The following NEK11 variants were observed in gnomAD, a reference collection of about 807,000 sequenced individuals.
The protein encoded by NEK11 is serine/threonine-protein kinase Nek11.
A neutral mutation model predicts 80.7 loss-of-function variants in NEK11; 72 were observed. The observed-to-expected ratio is 0.89, with a 90% CI of 0.74 to 1.08. NEK11 has a LOEUF of 1.08. Among genes scored for constraint, NEK11 ranks in the 50% least tolerant of loss-of-function variants. The probability of loss-of-function intolerance (pLI) is 0.00; values close to 1 mark genes in which losing one functional copy is unlikely to be tolerated. For missense variants in NEK11, 764 were observed against 763.6 expected, an observed-to-expected ratio of 1.00 and a Z score of -0.01; for synonymous variants, 251 against 260.7, an observed-to-expected ratio of 0.96 and a Z score of 0.36.
At chr3:131,325,412 A>G (rs926065708) in intron 17 of NEK11, 1 of 151,726 alleles carries the variant, frequency 6.6e-6, no homozygotes, top group African/African-American at 2.4e-5. Context: ...GTGGTGATAA[A>G]CACCAGGCTC....
chr3:131,261,781 T>A (rs2095926386), intron 16 of NEK11, among the ~76,000 whole-genome samples: 3 of 152,168 alleles, frequency 2.0e-5, no homozygotes. Context: ...CCTATCTTCT[T>A]AATTGACTGC....
chr3:131,123,813 G>A (rs916246715), intron 5 of NEK11, among the ~76,000 whole-genome samples: 2 of 151,930 alleles, frequency 1.3e-5, no homozygotes, highest in Non-Finnish European at 2.9e-5. Context: ...TGACTTCCTA[G>A]AATCAATAGC....
At chr3:131,178,056 GGTAA>G (rs1381875032) in intron 14 of NEK11, among the ~76,000 whole-genome samples, 10 of 152,244 alleles carry the variant, frequency 6.6e-5, no homozygotes, top group Middle Eastern at 6.8e-3. Context: ...GTAACACAGT[GGTAA>G]GTATTTGTAT....
chr3:131,304,163 A>G (rs1561460174), intron 17 of NEK11, among the ~76,000 whole-genome samples: 1 of 151,998 alleles, frequency 6.6e-6, no homozygotes, highest in Non-Finnish European at 1.5e-5. Context: ...CCAGCATTTG[A>G]GCTTTGAAAT....
intron 3 of NEK11, among the ~76,000 whole-genome samples, chr3:131,048,531 A>G (rs2067802832): frequency 6.6e-6 from 1 of 152,178 alleles, no homozygotes; most frequent in Admixed American, 6.5e-5. Flanking sequence ...AGCTCCAGGT[A>G]AGGTCAGATC....
intron 17 of NEK11, among the ~76,000 whole-genome samples, chr3:131,295,805 C>T (rs2096587159): frequency 6.6e-6 from 1 of 152,078 alleles, no homozygotes; most frequent in African/African-American, 2.4e-5. Context: ...TGGCTGTATA[C>T]ATTTACAACT....
At chr3:131,280,307 A>G (rs1033576502) in intron 17 of NEK11, among the ~76,000 whole-genome samples, 1 of 152,200 alleles carries the variant, frequency 6.6e-6, no homozygotes, top group Non-Finnish European at 1.5e-5. Flanking sequence ...CACTTTAGGA[A>G]CTGCAATTAC....
intron 17 of NEK11, among the ~76,000 whole-genome samples, chr3:131,274,834 T>C (rs1175692730): frequency 6.6e-6 from 1 of 151,406 alleles, no homozygotes; most frequent in Admixed American, 6.6e-5. Context: ...TTTGTATTTT[T>C]AGTAGAGACG....
intron 5 of NEK11, among the ~76,000 whole-genome samples, chr3:131,128,804 C>A (rs1469216173): frequency 2.0e-5 from 3 of 152,190 alleles, no homozygotes; most frequent in Non-Finnish European, 2.9e-5. Context: ...TACTCCACAT[C>A]CTTGTGAGCA....
At position 131,165,408 on chromosome 3, in the gene NEK11, T is replaced by C; in HGVS notation, c.1083-18T>C. The stretch of plus-strand genomic sequence containing the variant: ...AGCAATTCGCAGTTATTTTTCTACA[T>C]TCACTTTAAATTTACAGAAAGATTG... On this transcript the variant is annotated intron_variant, in intron 11 of 17. Coordinates refer to ENST00000383366, the MANE Select transcript of NEK11 (RefSeq NM_024800.5). The C allele has an allele frequency of 2.7e-6, 4 of 1,477,306 alleles. No homozygotes were observed. The highest frequency in any genetic ancestry group is 2.3e-5 in the South Asian group (2 of 88,140). The allele number at this position is 1,477,306 out of a possible 1,614,324, so 91.5% of individuals were successfully genotyped here.
chr3:131,028,718 T>C (rs2064304562), intron 2 of NEK11, among the ~76,000 whole-genome samples: 1 of 152,106 alleles, frequency 6.6e-6, no homozygotes, highest in South Asian at 2.1e-4. Flanking sequence ...CCCGCTACAA[T>C]GCCCGGCTAA....
Position 131,111,542 on chromosome 3 carries a change from C to T in NEK11, c.455+1621C>T, listed in dbSNP as rs1483769161. Among the ~76,000 whole-genome samples, 3 of 152,098 alleles carry T rather than the reference C, an allele frequency of 2.0e-5. No homozygotes were observed. In the East Asian group the frequency reaches 5.8e-4, roughly 29 times the overall value. On this transcript the variant is annotated intron_variant, in intron 5 of 17. Coordinates refer to ENST00000383366, the MANE Select transcript of NEK11 (RefSeq NM_024800.5). The stretch of plus-strand genomic sequence containing the variant: ...TAAGCTAGCCGACATAAAACATGTA[C>T]CCTTATAACTATAAGCCATGCACCA...
chr3:131,280,883 T>G (rs1581340227), intron 17 of NEK11, among the ~76,000 whole-genome samples: 2 of 152,360 alleles, frequency 1.3e-5, no homozygotes, highest in Middle Eastern at 3.4e-3. Context: ...TTCCCATTAC[T>G]GCAGCAAGAC....
rs543060137 is a variant in NEK11 at position 131,196,958 on chromosome 3, C to A, written c.1399+26071C>A. ...ATGGTAGCCATTGCTGGCTCCAATG[C>A]CTGGGTTTATAACCCAATCATTGTC... On this transcript the variant is annotated intron_variant, in intron 14 of 17. Coordinates refer to ENST00000383366, the MANE Select transcript of NEK11 (RefSeq NM_024800.5). Among the ~76,000 whole-genome samples, 4 of 151,942 alleles carry A rather than the reference C, an allele frequency of 2.6e-5. No individual in the cohort carries two copies. The East Asian group carries it at 7.8e-4, about 29-fold the overall frequency.
intron 14 of NEK11, among the ~76,000 whole-genome samples, chr3:131,218,866 G>A (rs566254266): frequency 6.6e-6 from 1 of 152,164 alleles, no homozygotes; most frequent in Non-Finnish European, 1.5e-5. Context: ...AGAAGAGTCT[G>A]TTCATATCCT....
intron 14 of NEK11, among the ~76,000 whole-genome samples, chr3:131,213,705 C>T (rs912321446): frequency 6.6e-6 from 1 of 152,094 alleles, no homozygotes. Context: ...TCCATCACCT[C>T]GAAGCATGTC....
At chr3:131,049,030 C>T (rs560146299) in intron 3 of NEK11, among the ~76,000 whole-genome samples, 33 of 152,284 alleles carry the variant, frequency 2.2e-4, no homozygotes, top group African/African-American at 7.5e-4. Flanking sequence ...ATTTTGACTT[C>T]GCGAACCTAA....
intron 15 of NEK11, among the ~76,000 whole-genome samples, chr3:131,235,235 T>C (rs184314232): frequency 6.6e-6 from 1 of 152,116 alleles, no homozygotes; most frequent in Non-Finnish European, 1.5e-5. Context: ...ACACAGCTGA[T>C]AAGAGTAGTT....
chr3:131,224,649 A>G (rs1272173013), intron 14 of NEK11, among the ~76,000 whole-genome samples: 5 of 152,212 alleles, frequency 3.3e-5, no homozygotes, highest in Admixed American at 1.3e-4. Context: ...CTGTTATCAC[A>G]GTAGATGGAG....
Sources: allele counts gnomAD v4.1 joint callset (sites outside exome capture counted in the v4.1 genomes callset), GRCh38; gene constraint gnomAD v4.1.1; transcripts MANE v1.5; gene names NCBI Gene and HGNC (gene_info 2026-07-23, HGNC 2026-07-21).